The following GFPT2 variants were observed in gnomAD, a reference collection of about 807,000 sequenced individuals.
GFPT2 encodes glutamine--fructose-6-phosphate aminotransferase [isomerizing] 2.
A neutral mutation model predicts 85.6 loss-of-function variants in GFPT2; 62 were observed. That is an observed-to-expected ratio of 0.72 (90% CI 0.59 to 0.90). The LOEUF (loss-of-function observed/expected upper bound fraction) is 0.90. Ranked by LOEUF, GFPT2 falls within the 40% of genes least tolerant of loss-of-function variation. The probability of loss-of-function intolerance (pLI) is 0.00; values close to 1 mark genes in which losing one functional copy is unlikely to be tolerated. For synonymous variants in GFPT2, 368 were observed against 344.5 expected, an observed-to-expected ratio of 1.07 and a Z score of -0.75; for missense variants, 788 against 893.4, an observed-to-expected ratio of 0.88 and a Z score of 1.50.
At chr5:180,317,716 G>A (rs1478671710) in intron 10 of GFPT2, among the ~76,000 whole-genome samples, 3 of 102,304 alleles carry the variant, frequency 2.9e-5, no homozygotes, top group East Asian at 3.1e-4. Flanking sequence ...CCGAGATCGC[G>A]CCACAGCACT....
rs1764268967 is a variant in GFPT2, at chr5:180,329,520, T to C, written c.534+1180A>G. Among the ~76,000 whole-genome samples the C allele has an allele frequency of 1.3e-5, 2 of 152,248 alleles. 1 individual carries two copies. Among genetic ancestry groups the C allele is most frequent in the South Asian group, 4.1e-4 (2 of 4,834 alleles). On this transcript the variant is annotated intron_variant, in intron 6 of 18. Transcript: ENST00000253778. ...CAGCATGCTGTAATACCTAATTGGCTCACTGTACCTTATCCAGCACATTAA... is the reference window on the plus strand; with the variant it reads ...CAGCATGCTGTAATACCTAATTGGCCCACTGTACCTTATCCAGCACATTAA...
In GFPT2 at chr5:180,328,144, G is replaced by T. The variant is rs2127653195; in HGVS notation, c.596+133C>A. The T allele has an allele frequency of 3.0e-6, 2 of 656,992 alleles. No individual in the cohort carries two copies. Among genetic ancestry groups the T allele is most frequent in the East Asian group, 5.7e-5 (2 of 35,318 alleles). 40.7% of individuals were successfully genotyped at this position (656,992 alleles called of 1,614,324 possible). On this transcript the variant is annotated intron_variant, in intron 7 of 18. Coordinates refer to ENST00000253778, the MANE Select transcript of GFPT2 (RefSeq NM_005110.4). The surrounding 1 kb of genome is among the most constrained non-coding windows in gnomAD (Gnocchi z 5.4). ...ATGGTGGGGCGCGGTCCCCGGGGCT[G>T]AGCCACAGTTGTTCTTTAGACACCA...
At chr5:180,327,973 G>A (rs1021943457) in intron 7 of GFPT2, among the ~76,000 whole-genome samples, 1 of 152,168 alleles carries the variant, frequency 6.6e-6, no homozygotes, top group South Asian at 2.1e-4. Flanking sequence ...ACAAAACCTG[G>A]ATCTGCCCTG....
intron 4 of GFPT2, among the ~76,000 whole-genome samples, chr5:180,333,816 T>C (rs1764351418): frequency 6.6e-6 from 1 of 152,144 alleles, no homozygotes; most frequent in Non-Finnish European, 1.5e-5. Context: ...GTGTCCAAGT[T>C]TGGGTGTGGG....
chr5:180,315,403 C>G (rs904148195), intron 13 of GFPT2, among the ~76,000 whole-genome samples: 1 of 152,196 alleles, frequency 6.6e-6, no homozygotes, highest in Non-Finnish European at 1.5e-5. Flanking sequence ...TGGCCTCAAT[C>G]TCCTGACCTC....
intron 16 of GFPT2, among the ~76,000 whole-genome samples, chr5:180,306,391 G>A (rs1389967964): frequency 6.6e-6 from 1 of 152,234 alleles, no homozygotes. Flanking sequence ...AGCCTCAGCT[G>A]GAGCACTGTC....
At chr5:180,317,902 A>G (rs1039551790) in intron 10 of GFPT2, among the ~76,000 whole-genome samples, 3 of 152,112 alleles carry the variant, frequency 2.0e-5, no homozygotes, top group African/African-American at 7.2e-5. Flanking sequence ...ACCCACAGGC[A>G]GGGCAGGCCG....
rs1561881964 is a variant in GFPT2 at position 180,335,895 on chromosome 5, CGT to C, written c.271_272del (p.Thr91AlafsTer50). On this transcript the variant is annotated frameshift_variant, in exon 4 of 19. Coordinates refer to ENST00000253778, the MANE Select transcript of GFPT2 (RefSeq NM_005110.4). LOFTEE classifies it high-confidence loss of function. ...EFETHFGIAH[T>X]RWATHGVPSA... ...TGGGGACCCCGTGGGTGGCCCAGCG[CGT>C]GTGGGCAATGCCGAAGTGTGTCTCA... 1 of 1,581,158 alleles carries C rather than the reference CGT, an allele frequency of 6.3e-7. No individual in the cohort carries two copies. The highest frequency in any genetic ancestry group is 2.0e-5 in the Admixed American group (1 of 49,966).
intron 17 of GFPT2, among the ~76,000 whole-genome samples, chr5:180,303,099 G>A (rs1041877876): frequency 2.2e-4 from 31 of 144,140 alleles, no homozygotes; most frequent in East Asian, 6.1e-4. Context: ...GTGTGGTGGC[G>A]GGGGCCTGTA....
intron 2 of GFPT2, among the ~76,000 whole-genome samples, chr5:180,337,415 T>A (rs1764423118): frequency 7.0e-6 from 1 of 142,766 alleles, no homozygotes; most frequent in Non-Finnish European, 1.5e-5. Flanking sequence ...ATCGCGCCAC[T>A]GCACTTCAGC....
Position 180,335,900 on chromosome 5 carries a change from G to T in GFPT2, c.268C>A (p.His90Asn), listed in dbSNP as rs1239136793. The change falls in exon 4 of 19, where the codon CAC becomes AAC. Residue 90 changes from histidine (H) to asparagine (N), a missense_variant. Transcript: ENST00000253778. ...VEFETHFGIA[H>N]TRWATHGVPS... ...ACCCCGTGGGTGGCCCAGCGCGTGT[G>T]GGCAATGCCGAAGTGTGTCTCAAAC... is the stretch of plus-strand genomic sequence containing the variant. 1 of 1,580,360 alleles carries T rather than the reference G, an allele frequency of 6.3e-7. No homozygotes were observed. The highest frequency in any genetic ancestry group is 1.4e-5 in the African/African-American group (1 of 72,528).
chr5:180,328,416 C>T lies in GFPT2; in HGVS notation c.535-78G>A, dbSNP rs1471983880. On this transcript the variant is annotated intron_variant, in intron 6 of 18. Coordinates refer to ENST00000253778, the MANE Select transcript of GFPT2 (RefSeq NM_005110.4). The surrounding 1 kb of genome is among the most constrained non-coding windows in gnomAD (Gnocchi z 5.4). ...GCCTGGCCACAGCCCAGGTGCGTCT[C>T]CCTGGGCCCCTCCTGATGGCGGGAG... The T allele has an allele frequency of 3.6e-6, 4 of 1,118,636 alleles. No individual in the cohort carries two copies. The South Asian group carries it at 3.7e-5, about 10-fold the overall frequency. The allele number at this position is 1,118,636 out of a possible 1,614,324, so 69.3% of individuals were successfully genotyped here.
chr5:180,312,794 T>G lies in GFPT2; in HGVS notation c.1432-250A>C, dbSNP rs1210939229. Among the ~76,000 whole-genome samples the G allele has an allele frequency of 2.0e-5, 3 of 152,134 alleles. No individual in the cohort carries two copies. The East Asian group carries it at 5.8e-4, about 29-fold the overall frequency. ...TATTTATTTATTTCTATTTTGTTTT[T>G]GAGACAAAGTCTTGCTGTGTCACCC... is the stretch of plus-strand genomic sequence containing the variant. On this transcript the variant is annotated intron_variant, in intron 14 of 18. Coordinates refer to ENST00000253778, the MANE Select transcript of GFPT2 (RefSeq NM_005110.4).
At chr5:180,302,138 T>G (rs889797234) in intron 18 of GFPT2, among the ~76,000 whole-genome samples, 1 of 150,128 alleles carries the variant, frequency 6.7e-6, no homozygotes, top group African/African-American at 2.4e-5. Flanking sequence ...ATACAAAAAA[T>G]TAGCCAGGCA....
intron 15 of GFPT2, among the ~76,000 whole-genome samples, chr5:180,310,107 G>A (rs1186359936): frequency 1.3e-5 from 2 of 148,916 alleles, no homozygotes; most frequent in East Asian, 2.0e-4. Context: ...ACCGTGCCCA[G>A]CCTTTTCTTT....
intron 1 of GFPT2, among the ~76,000 whole-genome samples, chr5:180,346,469 C>T (rs1764610502): frequency 3.3e-5 from 5 of 152,200 alleles, no homozygotes; most frequent in Admixed American, 3.3e-4. Flanking sequence ...GTTCAGCCCC[C>T]ACCCCACCAG....
At chr5:180,319,297 TA>T (rs1764074582) in intron 9 of GFPT2, among the ~76,000 whole-genome samples, 1 of 152,260 alleles carries the variant, frequency 6.6e-6, no homozygotes, top group Non-Finnish European at 1.5e-5. Context: ...TCAGCATGTT[TA>T]CATATCTCCA....
chr5:180,335,747 G>A (rs1293258741), intron 4 of GFPT2, 81 bp downstream of exon 4: 17 of 1,444,376 alleles, frequency 1.2e-5, no homozygotes, highest in South Asian at 6.4e-5. Context: ...AGGTGGGCGC[G>A]GAACCTGCTT....
intron 16 of GFPT2, among the ~76,000 whole-genome samples, chr5:180,305,526 G>A (rs1455334550): frequency 6.6e-6 from 1 of 152,082 alleles, no homozygotes; most frequent in African/African-American, 2.4e-5. Context: ...TCGACTCCCC[G>A]CTAGCACTGC....
Sources: allele counts gnomAD v4.1 joint callset (sites outside exome capture counted in the v4.1 genomes callset), GRCh38; gene constraint gnomAD v4.1.1; non-coding constraint Gnocchi (gnomAD v3.1); transcripts MANE v1.5; gene names NCBI Gene and HGNC (gene_info 2026-07-23, HGNC 2026-07-21).